Variants in CNIH3 observed in about 807,000 individuals in gnomAD.
CNIH3 encodes protein cornichon homolog 3.
Under a neutral mutation model 24.1 loss-of-function variants are expected in CNIH3, and 14 were observed. That is an observed-to-expected ratio of 0.58 (90% CI 0.38 to 0.91). The LOEUF (loss-of-function observed/expected upper bound fraction) is 0.91. Ranked by LOEUF, CNIH3 falls within the 40% of genes least tolerant of loss-of-function variation. The pLI, the probability that CNIH3 is intolerant of heterozygous loss-of-function variation, is 0.00. For synonymous variants in CNIH3, 68 were observed against 73.8 expected, an observed-to-expected ratio of 0.92 and a Z score of 0.40; for missense variants, 178 against 196.8, an observed-to-expected ratio of 0.90 and a Z score of 0.57.
intron 1 of CNIH3, among the ~76,000 whole-genome samples, chr1:224,649,500 A>G (rs1684767017): frequency 1.3e-5 from 2 of 152,230 alleles, no homozygotes; most frequent in African/African-American, 4.8e-5. Context: ...GTAGGAACTA[A>G]TACTATAATG....
chr1:224,729,754 A>T (rs1689223137), intron 3 of CNIH3, among the ~76,000 whole-genome samples: 1 of 152,030 alleles, frequency 6.6e-6, no homozygotes, highest in African/African-American at 2.4e-5. Flanking sequence ...TTACCCATTT[A>T]TACCTGTGTG....
At chr1:224,666,061 C>T (rs1034924496) in intron 1 of CNIH3, among the ~76,000 whole-genome samples, 8 of 152,142 alleles carry the variant, frequency 5.3e-5, no homozygotes, top group Non-Finnish European at 1.0e-4. Flanking sequence ...TTTCCCACCC[C>T]TGTTCCAAGT....
intron 3 of CNIH3, among the ~76,000 whole-genome samples, chr1:224,689,524 C>G (rs1488370216): frequency 6.6e-6 from 1 of 152,212 alleles, no homozygotes; most frequent in African/African-American, 2.4e-5. Context: ...CCTCCCGTCT[C>G]TCTCGTTTTG....
At chr1:224,493,663 T>C (rs1318064652) in intron 1 of CNIH3, among the ~76,000 whole-genome samples, 2 of 152,346 alleles carry the variant, frequency 1.3e-5, no homozygotes, top group African/African-American at 4.8e-5. Context: ...AATTTGGGGA[T>C]GATTTGCTTT....
intron 1 of CNIH3, among the ~76,000 whole-genome samples, chr1:224,440,416 G>A (rs2102943708): frequency 6.6e-6 from 1 of 152,162 alleles, no homozygotes; most frequent in Non-Finnish European, 1.5e-5. Flanking sequence ...TCTAGAGGCA[G>A]GGTCACCCTA....
intron 1 of CNIH3, among the ~76,000 whole-genome samples, chr1:224,679,170 T>A (rs980852939): frequency 6.6e-6 from 1 of 151,544 alleles, no homozygotes; most frequent in African/African-American, 2.4e-5. Context: ...ATATAAAAAT[T>A]TTTTTTTTGT....
chr1:224,626,489 A>G (rs1354781304), intron 1 of CNIH3, among the ~76,000 whole-genome samples: 2 of 152,212 alleles, frequency 1.3e-5, no homozygotes, highest in Non-Finnish European at 2.9e-5. Context: ...AAGCCCAAAC[A>G]AAAAACTAAA....
chr1:224,739,057 T>C (rs535551749), intron 5 of CNIH3, among the ~76,000 whole-genome samples: 8 of 152,110 alleles, frequency 5.3e-5, no homozygotes, highest in Non-Finnish European at 8.8e-5. Context: ...ATCATCATCC[T>C]GATGAGAATG....
chr1:224,517,306 C>T (rs931589285), intron 1 of CNIH3, among the ~76,000 whole-genome samples: 1 of 151,984 alleles, frequency 6.6e-6, no homozygotes, highest in African/African-American at 2.4e-5. Flanking sequence ...TTAACGGAGC[C>T]ATTTCATAAA....
rs984500111 is a variant in CNIH3 at position 224,454,211 on chromosome 1, C to A, written n.203+19349C>A. On this transcript the variant is annotated intron_variant and non_coding_transcript_variant, in intron 1 of 5. Coordinates refer to the CNIH3 transcript ENST00000471578. ...GTAAAAGGTGCTATGCTTTATCTAC[C>A]CAATATTGTGAGTAGTATCATTTAC... The A allele has an allele frequency of 9.1e-6, 7 of 771,562 alleles. No homozygotes were observed. In the African/African-American group the frequency reaches 9.5e-5, roughly 10 times the overall value. The allele number at this position is 771,562 out of a possible 1,614,324, so 47.8% of individuals were successfully genotyped here. A position where few individuals can be genotyped will look rare whatever the true frequency, so the allele number is the denominator to read the frequency against.
intron 1 of CNIH3, among the ~76,000 whole-genome samples, chr1:224,507,336 T>TGCCCAGG (rs1179746190): frequency 6.6e-6 from 1 of 152,162 alleles, no homozygotes; most frequent in African/African-American, 2.4e-5. Context: ...TTAATAGCAA[T>TGCCCAGG]GTGACCCTGG....
At chr1:224,564,705 G>A (rs1680509477) in intron 3 of CNIH3, among the ~76,000 whole-genome samples, 1 of 152,246 alleles carries the variant, frequency 6.6e-6, no homozygotes. Flanking sequence ...CCTTCCTTCT[G>A]AGCAGCAGAT....
chr1:224,524,444 T>C (rs1261034314), intron 2 of CNIH3, among the ~76,000 whole-genome samples: 1 of 152,244 alleles, frequency 6.6e-6, no homozygotes, highest in Non-Finnish European at 1.5e-5. Flanking sequence ...GGTTTACATT[T>C]ATCCTTTAGC....
intron 1 of CNIH3, among the ~76,000 whole-genome samples, chr1:224,517,584 C>G (rs1045136007): frequency 3.3e-5 from 5 of 152,082 alleles, no homozygotes; most frequent in African/African-American, 9.7e-5. Context: ...ATCACCTAAA[C>G]AGTGTACACT....
At chr1:224,649,768 C>T (rs957219787) in intron 1 of CNIH3, among the ~76,000 whole-genome samples, 1 of 152,152 alleles carries the variant, frequency 6.6e-6, no homozygotes, top group Non-Finnish European at 1.5e-5. Flanking sequence ...CAGGGTCTGC[C>T]TGGGAAGTAT....
At chr1:224,662,447 A>G (rs1685409883) in intron 1 of CNIH3, among the ~76,000 whole-genome samples, 2 of 152,212 alleles carry the variant, frequency 1.3e-5, no homozygotes, top group African/African-American at 4.8e-5. Flanking sequence ...ATAAAAAAAA[A>G]TCACACAAAG....
At chr1:224,463,159 G>A (rs2102986019) in intron 1 of CNIH3, among the ~76,000 whole-genome samples, 1 of 152,246 alleles carries the variant, frequency 6.6e-6, no homozygotes, top group South Asian at 2.1e-4. Context: ...GCCTCCCAAA[G>A]TGTTGGGATT....
chr1:224,620,943 A>G (rs1044516980), intron 1 of CNIH3, among the ~76,000 whole-genome samples: 1 of 152,190 alleles, frequency 6.6e-6, no homozygotes, highest in African/African-American at 2.4e-5. Context: ...AATGGTGTTT[A>G]CTCACAAGAG....
intron 4 of CNIH3, among the ~76,000 whole-genome samples, chr1:224,731,411 G>A (rs1572834198): frequency 6.6e-6 from 1 of 152,180 alleles, no homozygotes; most frequent in East Asian, 1.9e-4. Context: ...GTCACCATAT[G>A]GACACAGGAG....
Sources: allele counts gnomAD v4.1 joint callset (sites outside exome capture counted in the v4.1 genomes callset), GRCh38; gene constraint gnomAD v4.1.1; transcripts MANE v1.5; gene names NCBI Gene and HGNC (gene_info 2026-07-23, HGNC 2026-07-21).